AIPL1: variants seen among roughly 807,000 people sequenced by gnomAD.
AIPL1 encodes AIP like 1 HSP90 co-chaperone.
In AIPL1, 23 loss-of-function variants were observed where a neutral mutation model predicts 32.9. That is an observed-to-expected ratio of 0.70 (90% CI 0.50 to 0.99). The LOEUF (loss-of-function observed/expected upper bound fraction) is 0.99, where lower values mean the gene tolerates loss of function less well. Ranked by LOEUF, AIPL1 falls within the 50% of genes least tolerant of loss-of-function variation. The probability of loss-of-function intolerance (pLI) is 0.00; values close to 1 mark genes in which losing one functional copy is unlikely to be tolerated. For synonymous variants in AIPL1, 210 were observed against 209.4 expected, an observed-to-expected ratio of 1.00 and a Z score of -0.02; for missense variants, 485 against 506.0, an observed-to-expected ratio of 0.96 and a Z score of 0.40.
chr17:6,435,032 G>A lies in AIPL1; in HGVS notation c.73C>T (p.Pro25Ser). The stretch of plus-strand genomic sequence containing the variant: ...ACTCGGGATCCGGTGATGAAGTTTG[G>A]GAGCTCGCCCGTGCCCCCGTGCAGA... ...TILHGGTGEL[P>S]NFITGSRVIF... is the part of the protein sequence containing the mutation. The change falls in exon 1 of 6, where the codon CCA becomes TCA. Residue 25 changes from proline to serine, a missense_variant. Physicochemically the swap from Pro to Ser is moderately conservative, Grantham distance 74. Coordinates refer to ENST00000381129, the MANE Select transcript of AIPL1 (RefSeq NM_014336.5). 10 of 1,614,198 alleles carry A rather than the reference G, an allele frequency of 6.2e-6. No homozygotes were observed. The highest frequency in any genetic ancestry group is 8.5e-6 in the Non-Finnish European group (10 of 1,180,036).
Position 6,424,466 on chromosome 17 carries a change from C to T in AIPL1, c.*994G>A, listed in dbSNP as rs1911713414. 6.6e-6 allele frequency: 1 copy of T among 152,316 alleles called. No individual in the cohort carries two copies. Among genetic ancestry groups the T allele is most frequent in the African/African-American group, 2.4e-5 (1 of 41,478 alleles). The allele number at this position is 152,316 out of a possible 1,614,324, so 9.4% of individuals were successfully genotyped here. A position where few individuals can be genotyped will look rare whatever the true frequency, so the allele number is the denominator to read the frequency against. On this transcript the variant is annotated 3_prime_UTR_variant, in exon 6 of 6. Coordinates refer to ENST00000381129, the MANE Select transcript of AIPL1 (RefSeq NM_014336.5). ...TCGCTGCCTATGGGGTAGCCCTGCT[C>T]TGCAGGGCAGTCACAGAGCTGCAAC...
intron 5 of AIPL1, 91 bp from the exon 6 acceptor site, chr17:6,425,921 C>T (rs1996153): frequency 2.0e-6 from 3 of 1,495,944 alleles, no homozygotes; most frequent in South Asian, 2.5e-5. Flanking sequence ...CTCCAAGACC[C>T]TCAGCCCCGC....
chr17:6,425,624 C>T lies in AIPL1; in HGVS notation c.991G>A (p.Ala331Thr). 6.2e-7 allele frequency: 1 copy of T among 1,612,960 alleles called. No individual in the cohort carries two copies. The highest frequency in any genetic ancestry group is 1.1e-5 in the South Asian group (1 of 91,076). Reference sequence around the variant, plus strand: ...GGTGGCTCTGCGGGAGGCTGCGTGGCACCCTGGCTCAGCATGTTCCGGCAG... The same window carrying T: ...GGTGGCTCTGCGGGAGGCTGCGTGGTACCCTGGCTCAGCATGTTCCGGCAG... Reference protein sequence around the residue: ...LRCRNMLSQGATQPPAEPPTE... With the variant: ...LRCRNMLSQGTTQPPAEPPTE... The change falls in exon 6 of 6, where the codon GCC (alanine) becomes ACC (threonine). Residue 331 changes from alanine to threonine, a missense_variant. Ala to Thr is a moderately conservative substitution (Grantham distance 58). Transcript: ENST00000381129.
At chr17:6,434,190 C>T in intron 1 of AIPL1, 92 bp from the exon 2 acceptor site, 2 of 1,427,928 alleles carry the variant, frequency 1.4e-6, no homozygotes, top group Non-Finnish European at 1.9e-6. Context: ...GGGCTGTCCC[C>T]AGGGTCAGCT....
At chr17:6,432,492 A>C (rs547549913) in intron 2 of AIPL1, among the ~76,000 whole-genome samples, 221 of 152,368 alleles carry the variant, frequency 1.5e-3, no homozygotes, top group African/African-American at 4.9e-3. Context: ...GATTTAAACA[A>C]ACCAAACTCA....
intron 3 of AIPL1, among the ~76,000 whole-genome samples, chr17:6,427,810 C>CTT (rs5819114): frequency 1.4e-5 from 2 of 144,746 alleles, no homozygotes; most frequent in Non-Finnish European, 1.5e-5. Flanking sequence ...TCCAAGTGGA[C>CTT]TTTTTTTTTT....
intron 1 of AIPL1, 147 bp from the exon 2 acceptor site, chr17:6,434,245 C>G: frequency 3.3e-6 from 3 of 909,142 alleles, no homozygotes; most frequent in Non-Finnish European, 5.2e-6. Flanking sequence ...TGGAGCACCT[C>G]CACCCTGCCT....
intron 2 of AIPL1, among the ~76,000 whole-genome samples, chr17:6,433,234 G>T (rs1912783064): frequency 6.6e-6 from 1 of 152,058 alleles, no homozygotes; most frequent in African/African-American, 2.4e-5. Flanking sequence ...GAGGAGGAGG[G>T]CAAAAAAGTG....
chr17:6,425,896 C>T (rs1911901436), intron 5 of AIPL1, 66 bp from the exon 6 acceptor site: 7 of 1,561,516 alleles, frequency 4.5e-6, no homozygotes, highest in Non-Finnish European at 6.0e-6. Flanking sequence ...CCCAGCCCAG[C>T]TGGGACTCAC....
intron 2 of AIPL1, among the ~76,000 whole-genome samples, chr17:6,430,456 CA>C (rs1169701817): frequency 0.011 from 501 of 44,494 alleles, 2 homozygotes; most frequent in African/African-American, 0.029. Flanking sequence ...AAGTCCGTCT[CA>C]AAAAAAAAAA....
intron 1 of AIPL1, 23 bp from the exon 2 acceptor site, chr17:6,434,121 C>G: frequency 1.2e-6 from 2 of 1,609,640 alleles, no homozygotes; most frequent in Non-Finnish European, 1.7e-6. Context: ...ACGGTGCACT[C>G]TGCTCTAGAC....
Position 6,426,833 on chromosome 17 carries a change from C to T in AIPL1, c.642+48G>A, listed in dbSNP as rs925616. ...CCCACCCTGGCCGGCACTGGGCAGG[C>T]CCCCCAGAGTCAGCGCCACTTCCCA... On this transcript the variant is annotated intron_variant, in intron 4 of 5. Transcript: ENST00000381129. 585,081 of 1,612,774 alleles carry T rather than the reference C, an allele frequency of 0.36. 107,303 individuals are homozygous for T. Among genetic ancestry groups the T allele is most frequent in the East Asian group, 0.48 (21,338 of 44,850 alleles).
At chr17:6,432,055 A>G (rs1005801637) in intron 2 of AIPL1, among the ~76,000 whole-genome samples, 1 of 152,210 alleles carries the variant, frequency 6.6e-6, no homozygotes, top group African/African-American at 2.4e-5. Flanking sequence ...TAAATGACCC[A>G]GTTCCTTCAA....
At chr17:6,429,235 G>A (rs1185650035) in intron 2 of AIPL1, among the ~76,000 whole-genome samples, 2 of 152,188 alleles carry the variant, frequency 1.3e-5, no homozygotes, top group African/African-American at 2.4e-5. Flanking sequence ...TGTATGCTGG[G>A]CCTCAGTTTC....
chr17:6,433,903 C>CA lies in AIPL1; in HGVS notation c.276+15_276+16insT. The CA allele has an allele frequency of 1.2e-6, 2 of 1,612,282 alleles. No individual in the cohort carries two copies. The highest frequency in any genetic ancestry group is 1.3e-5 in the African/African-American group (1 of 75,004). ...AAAGACTAGTCCCAGGAGACAGGCG[C>CA]GCAGGGCCTACTTACGATGGTGTCG... On this transcript the variant is annotated intron_variant, in intron 2 of 5. Transcript: ENST00000381129.
chr17:6,434,988 C>A, intron 1 of AIPL1, 21 bp downstream of exon 1: 1 of 1,614,110 alleles, frequency 6.2e-7, no homozygotes, highest in Non-Finnish European at 8.5e-7. Context: ...ACCCTGTCTG[C>A]TCCGGAGGGG....
At position 6,424,932 on chromosome 17, in the gene AIPL1, C is replaced by A. The variant is rs1036164077; in HGVS notation, c.*528G>T. ...AATCTTTCCTGGGGGAGGCCAAGAACCCTCTCAGGCTAAGCTCCAGTGTCG... is the reference window on the plus strand; with the variant it reads ...AATCTTTCCTGGGGGAGGCCAAGAAACCTCTCAGGCTAAGCTCCAGTGTCG... On this transcript the variant is annotated 3_prime_UTR_variant, in exon 6 of 6. Transcript: ENST00000381129. 6.6e-6 allele frequency: 1 copy of A among 152,494 alleles called. No homozygotes were observed. The highest frequency in any genetic ancestry group is 1.5e-5 in the Non-Finnish European group (1 of 68,298). The allele number at this position is 152,494 out of a possible 1,614,324, so 9.4% of individuals were successfully genotyped here. A position where few individuals can be genotyped will look rare whatever the true frequency, so the allele number is the denominator to read the frequency against.
chr17:6,426,163 T>C, intron 5 of AIPL1: 1 of 1,301,092 alleles, frequency 7.7e-7, no homozygotes. Context: ...GAGGATTAAA[T>C]GAGATAATAA....
rs189147192 is a variant in AIPL1 at position 6,431,499 on chromosome 17, T to C, written c.276+2420A>G. Among the ~76,000 whole-genome samples, 6 of 152,294 alleles carry C rather than the reference T, an allele frequency of 3.9e-5. No individual in the cohort carries two copies. The East Asian group carries it at 9.6e-4, about 24-fold the overall frequency. Reference sequence around the variant, plus strand: ...TAGCTCAAAATAATAGCTCTCATTTTTAATTGCCCTGTATTATGATCCACC... The same window carrying C: ...TAGCTCAAAATAATAGCTCTCATTTCTAATTGCCCTGTATTATGATCCACC... On this transcript the variant is annotated intron_variant, in intron 2 of 5. Transcript: ENST00000381129.
Sources: gnomAD v4.1 joint callset for allele counts (sites outside exome capture counted in the v4.1 genomes callset) on GRCh38, gnomAD v4.1.1 for gene constraint, MANE v1.5 for transcripts, NCBI Gene and HGNC (gene_info 2026-07-23, HGNC 2026-07-21) for gene names.